LRRC7: variants seen among roughly 807,000 people sequenced by gnomAD.
LRRC7 encodes the protein leucine rich repeat containing 7, also known as leucine-rich repeat-containing protein 7.
A neutral mutation model predicts 175.7 loss-of-function variants in LRRC7; 23 were observed. That is an observed-to-expected ratio of 0.13 (90% confidence interval 0.09 to 0.19). The LOEUF (loss-of-function observed/expected upper bound fraction) is 0.19. LRRC7 is among the 10% of genes least tolerant of loss of function. LRRC7 has a pLI of 1.00. For missense variants in LRRC7, 1,354 were observed against 1,904.7 expected (o/e 0.71, Z 5.38); for synonymous variants, 685 against 680.9 (o/e 1.01, Z -0.09).
intron 4 of LRRC7, among the ~76,000 whole-genome samples, chr1:69,806,634 T>G (rs753126434): frequency 6.6e-6 from 1 of 152,046 alleles, no homozygotes; most frequent in Non-Finnish European, 1.5e-5. Flanking sequence ...TTAATTTTGT[T>G]TTAATCACTG....
intron 2 of LRRC7, among the ~76,000 whole-genome samples, chr1:69,695,623 C>G (rs1012261158): frequency 6.6e-6 from 1 of 152,180 alleles, no homozygotes; most frequent in African/African-American, 2.4e-5. Flanking sequence ...GGCAGACCCT[C>G]CCATCATAGG....
chr1:70,056,126 T>C (rs781366626), intron 23 of LRRC7, among the ~76,000 whole-genome samples: 2 of 152,166 alleles, frequency 1.3e-5, no homozygotes, highest in Non-Finnish European at 2.9e-5. Context: ...CAGTGGATGT[T>C]TGGATATATT....
At chr1:70,101,259 A>G (rs72917809) in intron 25 of LRRC7, among the ~76,000 whole-genome samples, 3,836 of 152,290 alleles carry the variant, frequency 0.025, 187 homozygotes, top group African/African-American at 0.089. Flanking sequence ...ATAAAATGCT[A>G]TATGCTATTT....
rs540471405 is a variant in LRRC7 at position 69,807,125 on chromosome 1, T to C, written c.421+14965T>C. 1.3e-3 allele frequency among the ~76,000 whole-genome samples: 195 copies of C among 152,166 alleles called. 1 individual carries two copies. Among genetic ancestry groups the C allele is most frequent in the African/African-American group, 4.5e-3 (189 of 41,540 alleles). On this transcript the variant is annotated intron_variant, in intron 4 of 26. Transcript: ENST00000651989. ...CAGAGACTAGGATGGCAACCCCTGC[T>C]TTTTTTGCTTTCCATTTGCTTGTTA...
chr1:70,015,135 A>G (rs1490668565), intron 13 of LRRC7, among the ~76,000 whole-genome samples: 7 of 152,146 alleles, frequency 4.6e-5, no homozygotes, highest in African/African-American at 1.2e-4. Context: ...GCTTAAAGTT[A>G]TAAATGTTAC....
chr1:69,970,556 A>G (rs1235079688), intron 8 of LRRC7, among the ~76,000 whole-genome samples: 1 of 152,200 alleles, frequency 6.6e-6, no homozygotes, highest in Non-Finnish European at 1.5e-5. Context: ...CTGGGAAAAT[A>G]CAACCTTCCT....
At chr1:69,873,202 C>A (rs1022246184) in intron 7 of LRRC7, among the ~76,000 whole-genome samples, 38 of 152,106 alleles carry the variant, frequency 2.5e-4, no homozygotes, top group African/African-American at 8.2e-4. Flanking sequence ...TTGCTCCTTT[C>A]AGGGGGTGTG....
At chr1:69,905,347 G>A (rs982004780) in intron 7 of LRRC7, among the ~76,000 whole-genome samples, 3 of 151,948 alleles carry the variant, frequency 2.0e-5, no homozygotes, top group Non-Finnish European at 2.9e-5. Flanking sequence ...ATGTTGGTGT[G>A]CTGCACCCAT....
intron 23 of LRRC7, among the ~76,000 whole-genome samples, chr1:70,074,776 CTT>C (rs530814780): frequency 9.3e-4 from 142 of 152,152 alleles, no homozygotes; most frequent in Admixed American, 1.3e-3. Context: ...GAAATTGTCT[CTT>C]GTTTGGAATC....
At chr1:69,707,644 T>C (rs1664213152) in intron 2 of LRRC7, among the ~76,000 whole-genome samples, 2 of 152,176 alleles carry the variant, frequency 1.3e-5, no homozygotes, top group Admixed American at 1.3e-4. Flanking sequence ...ATGCATTCAG[T>C]AAATGCTAAT....
intron 13 of LRRC7, among the ~76,000 whole-genome samples, chr1:70,013,438 A>G (rs1479448355): frequency 6.6e-6 from 1 of 151,862 alleles, no homozygotes; most frequent in Non-Finnish European, 1.5e-5. Flanking sequence ...GTGCATATCT[A>G]TGTATGTATG....
At chr1:70,045,320 A>G (rs960470545) in intron 22 of LRRC7, among the ~76,000 whole-genome samples, 8 of 152,172 alleles carry the variant, frequency 5.3e-5, no homozygotes, top group Non-Finnish European at 8.8e-5. Context: ...TGTCAGCAAT[A>G]TAAATACTCT....
At chr1:69,733,138 A>G (rs1423883357) in intron 2 of LRRC7, among the ~76,000 whole-genome samples, 2 of 152,096 alleles carry the variant, frequency 1.3e-5, no homozygotes, top group East Asian at 1.9e-4. Context: ...ATAAATGAGG[A>G]CATGTGAAAA....
chr1:69,653,382 T>C (rs1339163331), intron 1 of LRRC7, among the ~76,000 whole-genome samples: 1 of 151,988 alleles, frequency 6.6e-6, no homozygotes, highest in Non-Finnish European at 1.5e-5. Context: ...ATGCTCAGCA[T>C]CACTAATAAT....
At chr1:70,045,613 T>TA (rs1382795052) in intron 22 of LRRC7, among the ~76,000 whole-genome samples, 1 of 152,198 alleles carries the variant, frequency 6.6e-6, no homozygotes, top group Non-Finnish European at 1.5e-5. Context: ...AATAGGCACC[T>TA]TTCTTATAGG....
chr1:69,652,631 A>G (rs147751818), intron 1 of LRRC7, among the ~76,000 whole-genome samples: 32 of 152,204 alleles, frequency 2.1e-4, no homozygotes, highest in African/African-American at 7.7e-4. Flanking sequence ...TTTCAATTCT[A>G]TAATTTGGAA....
At chr1:69,904,789 C>G (rs1391139683) in intron 7 of LRRC7, among the ~76,000 whole-genome samples, 1 of 151,968 alleles carries the variant, frequency 6.6e-6, no homozygotes, top group Non-Finnish European at 1.5e-5. Flanking sequence ...GAGCATCATA[C>G]CCAATAAGCA....
chr1:70,005,978 C>A (rs1354117395), intron 11 of LRRC7, among the ~76,000 whole-genome samples: 1 of 151,988 alleles, frequency 6.6e-6, no homozygotes, highest in African/African-American at 2.4e-5. Flanking sequence ...ATAAAGGTAA[C>A]CTTTGGTCTT....
intron 4 of LRRC7, among the ~76,000 whole-genome samples, chr1:69,799,395 A>G (rs181581866): frequency 1.3e-5 from 2 of 152,110 alleles, no homozygotes; most frequent in African/African-American, 2.4e-5. Context: ...TATGTCTATT[A>G]ATCCACACTT....
Sources: allele counts gnomAD v4.1 joint callset (sites outside exome capture counted in the v4.1 genomes callset), GRCh38; gene constraint gnomAD v4.1.1; transcripts MANE v1.5; gene names NCBI Gene and HGNC (gene_info 2026-07-23, HGNC 2026-07-21).